GRAP2: variants seen among roughly 807,000 people sequenced by gnomAD.
The protein encoded by GRAP2 is GRB2 related adaptor protein 2.
A neutral mutation model predicts 43.5 loss-of-function variants in GRAP2; 31 were observed. The observed-to-expected ratio is 0.71, with a 90% CI of 0.54 to 0.96. GRAP2 has a LOEUF of 0.96. Among genes scored for constraint, GRAP2 ranks in the 40% least tolerant of loss-of-function variants. GRAP2 has a pLI of 0.00. For synonymous variants in GRAP2, 156 were observed against 164.8 expected (o/e 0.95, Z 0.41); for missense variants, 371 against 424.4 (o/e 0.87, Z 1.11).
chr22:39,952,630 A>G (rs1166340759), intron 2 of GRAP2, among the ~76,000 whole-genome samples: 1 of 152,214 alleles, frequency 6.6e-6, no homozygotes, highest in Non-Finnish European at 1.5e-5. Context: ...ATTTGATGTT[A>G]GAAACTATAA....
intron 4 of GRAP2, chr22:39,964,302 T>C: frequency 1.5e-6 from 1 of 673,956 alleles, no homozygotes; most frequent in Non-Finnish European, 2.7e-6. Context: ...GAGTCCAGAC[T>C]GGCAACAAAA....
intron 1 of GRAP2, among the ~76,000 whole-genome samples, chr22:39,927,468 C>T (rs748579275): frequency 6.6e-6 from 1 of 152,194 alleles, no homozygotes; most frequent in Non-Finnish European, 1.5e-5. Context: ...TGGTGGCATT[C>T]CTGTTGTCTG....
chr22:39,966,098 G>A lies in GRAP2; in HGVS notation c.399G>A (p.Arg133=). The A allele has an allele frequency of 6.2e-7, 1 of 1,614,004 alleles. No homozygotes were observed. Among genetic ancestry groups the A allele is most frequent in the South Asian group, 1.1e-5 (1 of 91,084 alleles). ...PSLNKLVDYY[R]TNSISRQKQI... ...TAAATAAGCTGGTAGACTACTACAGGACAAATTCCATCTCCAGACAGAAGC... is the reference window on the plus strand; with the variant it reads ...TAAATAAGCTGGTAGACTACTACAGAACAAATTCCATCTCCAGACAGAAGC... The change falls in exon 5 of 8, where the codon AGG becomes AGA. Residue 133 remains arginine, a synonymous_variant. Transcript: ENST00000344138.
chr22:39,910,023 C>T (rs1372537240), intron 1 of GRAP2, among the ~76,000 whole-genome samples: 2 of 152,202 alleles, frequency 1.3e-5, no homozygotes, highest in Non-Finnish European at 2.9e-5. Flanking sequence ...CTGCTCTTCC[C>T]CTGCTTCCAA....
intron 1 of GRAP2, among the ~76,000 whole-genome samples, chr22:39,901,689 G>C (rs142138801): frequency 7.0e-4 from 107 of 152,296 alleles, no homozygotes; most frequent in African/African-American, 2.3e-3. Context: ...GGGATTGGAG[G>C]GGGTGGTAGA....
chr22:39,969,302 A>G, intron 6 of GRAP2, 109 bp from the exon 7 acceptor site: 1 of 1,220,558 alleles, frequency 8.2e-7, no homozygotes, highest in East Asian at 2.4e-5. Flanking sequence ...ATCAGTAAGT[A>G]TTCCTGGAAT....
intron 1 of GRAP2, among the ~76,000 whole-genome samples, chr22:39,927,770 C>CGTG (rs1271808150): frequency 6.6e-6 from 1 of 152,216 alleles, no homozygotes; most frequent in Non-Finnish European, 1.5e-5. Flanking sequence ...CCTGTCTCAC[C>CGTG]ACTTGAGGGC....
At chr22:39,910,112 C>T (rs2066549191) in intron 1 of GRAP2, among the ~76,000 whole-genome samples, 1 of 152,178 alleles carries the variant, frequency 6.6e-6, no homozygotes, top group African/African-American at 2.4e-5. Flanking sequence ...GGCAGTTTTG[C>T]GTGCTGCCAT....
intron 1 of GRAP2, among the ~76,000 whole-genome samples, chr22:39,913,119 G>C (rs1252800553): frequency 1.3e-5 from 2 of 151,418 alleles, no homozygotes; most frequent in Non-Finnish European, 2.9e-5. Flanking sequence ...CTTATACCTA[G>C]GAGCTGGAGG....
intron 1 of GRAP2, among the ~76,000 whole-genome samples, chr22:39,928,263 C>T (rs2066724601): frequency 6.6e-6 from 1 of 152,108 alleles, no homozygotes; most frequent in Non-Finnish European, 1.5e-5. Context: ...AAATTCATTC[C>T]ATGTTTACCC....
intron 1 of GRAP2, among the ~76,000 whole-genome samples, chr22:39,933,016 G>A (rs1281875415): frequency 6.6e-6 from 1 of 152,216 alleles, no homozygotes; most frequent in Non-Finnish European, 1.5e-5. Flanking sequence ...GCAGCACTGA[G>A]CAAGGGGTAG....
At position 39,971,021 on chromosome 22, in the gene GRAP2, C is replaced by A; in HGVS notation, c.930C>A (p.Thr310=). ...VLDSSNPSWW[T]GRLHNKLGLF... Reference sequence around the variant, plus strand: ...ATAGCTCCAACCCATCCTGGTGGACCGGCCGCCTGCACAACAAGCTGGGCC... The same window carrying A: ...ATAGCTCCAACCCATCCTGGTGGACAGGCCGCCTGCACAACAAGCTGGGCC... The change falls in exon 8 of 8, where the codon ACC becomes ACA. Residue 310 remains threonine, a synonymous_variant. Transcript: ENST00000344138. The A allele has an allele frequency of 6.2e-7, 1 of 1,613,680 alleles. No homozygotes were observed. The highest frequency in any genetic ancestry group is 8.5e-7 in the Non-Finnish European group (1 of 1,179,798).
chr22:39,955,345 A>G (rs2067035824), intron 2 of GRAP2, among the ~76,000 whole-genome samples: 1 of 152,080 alleles, frequency 6.6e-6, no homozygotes, highest in Admixed American at 6.5e-5. Context: ...CGACAGAGCA[A>G]GACTCTGTCT....
At chr22:39,964,916 T>C (rs767462523) in intron 4 of GRAP2, among the ~76,000 whole-genome samples, 5 of 152,196 alleles carry the variant, frequency 3.3e-5, no homozygotes, top group Admixed American at 6.5e-5. Context: ...GAAGTTATCA[T>C]GTTTAGGTGG....
the GRAP2 span, among the ~76,000 whole-genome samples, chr22:39,895,170 C>T: frequency 1.3e-5 from 2 of 152,142 alleles, no homozygotes; most frequent in Non-Finnish European, 1.5e-5. Context: ...ATCCAGTAGG[C>T]ATTGAAAAAT....
rs1406746293 is a variant in GRAP2, at chr22:39,972,224, C to T, written c.*1140C>T. 6.6e-6 allele frequency: 1 copy of T among 152,450 alleles called. No individual in the cohort carries two copies. The highest frequency in any genetic ancestry group is 2.4e-5 in the African/African-American group (1 of 41,482). The allele number at this position is 152,450 out of a possible 1,614,324, so 9.4% of individuals were successfully genotyped here. ...CTAGAATCATGTGTCCAAGGGCTCACTCTGGAGGTGCACAGCACAGGTCAG... is the reference window on the plus strand; with the variant it reads ...CTAGAATCATGTGTCCAAGGGCTCATTCTGGAGGTGCACAGCACAGGTCAG... On this transcript the variant is annotated 3_prime_UTR_variant, in exon 8 of 8. Coordinates refer to ENST00000344138, the MANE Select transcript of GRAP2 (RefSeq NM_004810.4).
chr22:39,912,013 C>A (rs117088654), intron 1 of GRAP2, among the ~76,000 whole-genome samples: 2,052 of 152,348 alleles, frequency 0.013, 28 homozygotes, highest in Non-Finnish European at 0.018. Context: ...ACAAAACTTA[C>A]AAACTTCCAT....
At chr22:39,945,945 C>T (rs1453912980) in intron 1 of GRAP2, among the ~76,000 whole-genome samples, 1 of 152,244 alleles carries the variant, frequency 6.6e-6, no homozygotes, top group Non-Finnish European at 1.5e-5. Flanking sequence ...ACTGCAACCT[C>T]TGCCTCCCAG....
chr22:39,962,866 G>A lies in GRAP2; in HGVS notation c.290+2692G>A, dbSNP rs143014404. On this transcript the variant is annotated intron_variant, in intron 4 of 7. Coordinates refer to ENST00000344138, the MANE Select transcript of GRAP2 (RefSeq NM_004810.4). The stretch of plus-strand genomic sequence containing the variant: ...TTTTTTTCAGTAGAGACGGGGTTTC[G>A]TCATGTTGGCCAGGCTGGTCTTGAA... Among the ~76,000 whole-genome samples, 1,074 of 152,014 alleles carry A rather than the reference G, an allele frequency of 7.1e-3. 6 individuals carry two copies. The highest frequency in any genetic ancestry group is 0.024 in the African/African-American group (977 of 41,452).
Sources: gnomAD v4.1 joint callset for allele counts (sites outside exome capture counted in the v4.1 genomes callset) on GRCh38, gnomAD v4.1.1 for gene constraint, MANE v1.5 for transcripts, NCBI Gene and HGNC (gene_info 2026-07-23, HGNC 2026-07-21) for gene names.